ETFDH: variants seen among roughly 807,000 people sequenced by gnomAD.
The protein encoded by ETFDH is electron transfer flavoprotein dehydrogenase, also known as electron transfer flavoprotein-ubiquinone oxidoreductase, mitochondrial.
Under a neutral mutation model 73.2 loss-of-function variants are expected in ETFDH, and 61 were observed. That is an observed-to-expected ratio of 0.83 (90% CI 0.68 to 1.03). The LOEUF is 1.03. ETFDH is among the 50% of genes least tolerant of loss of function. The pLI is 0.00. For synonymous variants in ETFDH, 243 were observed against 253.3 expected (o/e 0.96, Z 0.39); for missense variants, 685 against 745.0 (o/e 0.92, Z 0.94).
At chr4:158,684,389 CAAA>C (rs35572796) in intron 3 of ETFDH, among the ~76,000 whole-genome samples, 200 bp from the exon 4 acceptor site, 35 of 105,452 alleles carry the variant, frequency 3.3e-4, no homozygotes, top group Non-Finnish European at 3.6e-4. Context: ...GACACTGTCT[CAAA>C]AAAAAAAAAA....
At chr4:158,703,951 T>C (rs1358785170) in intron 10 of ETFDH, among the ~76,000 whole-genome samples, 2 of 152,018 alleles carry the variant, frequency 1.3e-5, no homozygotes, top group East Asian at 3.9e-4. Flanking sequence ...ACAAAAAAAT[T>C]AGCTGTGTGT....
intron 11 of ETFDH, 60 bp downstream of exon 11, chr4:158,706,431 A>T: frequency 1.5e-6 from 2 of 1,345,912 alleles, no homozygotes; most frequent in Admixed American, 1.7e-5. Context: ...GGGATCTGTT[A>T]ATTAGAGAAA....
chr4:158,706,172 C>T lies in ETFDH; in HGVS notation c.1286-17C>T, dbSNP rs1320371087. On this transcript the variant is annotated splice_polypyrimidine_tract_variant and intron_variant, in intron 10 of 12. Coordinates refer to ENST00000511912, the MANE Select transcript of ETFDH (RefSeq NM_004453.4). ...TTGGGCAGTTTCGCACTTAACATTT[C>T]ATGTTTTTAATAAAAGGACTCCATG... The T allele has an allele frequency of 2.5e-6, 4 of 1,574,200 alleles. No homozygotes were observed. The highest frequency in any genetic ancestry group is 3.5e-6 in the Non-Finnish European group (4 of 1,143,654).
At chr4:158,673,875 A>G (rs1260755619) in intron 1 of ETFDH, among the ~76,000 whole-genome samples, 1 of 152,200 alleles carries the variant, frequency 6.6e-6, no homozygotes, top group Non-Finnish European at 1.5e-5. Context: ...TGACTTTGAT[A>G]TGGTGATGCT....
At chr4:158,681,067 T>A (rs1477658330) in intron 2 of ETFDH, among the ~76,000 whole-genome samples, 1 of 152,218 alleles carries the variant, frequency 6.6e-6, no homozygotes, top group Non-Finnish European at 1.5e-5. Flanking sequence ...TTTAAAAAGT[T>A]AACTGTAAAA....
At chr4:158,680,424 AC>A (rs766553154) in intron 1 of ETFDH, 42 bp from the exon 2 acceptor site, 2 of 1,503,276 alleles carry the variant, frequency 1.3e-6, no homozygotes, top group Non-Finnish European at 9.3e-7. Flanking sequence ...ACTGAGGAAA[AC>A]TAATTTTAAG....
At chr4:158,679,086 A>G (rs751022540) in intron 1 of ETFDH, among the ~76,000 whole-genome samples, 4 of 151,952 alleles carry the variant, frequency 2.6e-5, no homozygotes, top group Non-Finnish European at 5.9e-5. Context: ...ATGAGTAACC[A>G]TTTCTTCTCC....
intron 6 of ETFDH, among the ~76,000 whole-genome samples, chr4:158,692,399 CAAAAAAAAA>C (rs35615738): frequency 5.5e-5 from 5 of 91,422 alleles, no homozygotes; most frequent in East Asian, 3.4e-4. Flanking sequence ...GACACCGTCT[CAAAAAAAAA>C]AAAAAAAAAA....
At chr4:158,679,110 G>T (rs1193198044) in intron 1 of ETFDH, among the ~76,000 whole-genome samples, 1 of 151,892 alleles carries the variant, frequency 6.6e-6, no homozygotes, top group Non-Finnish European at 1.5e-5. Context: ...ATTTGAAATG[G>T]TATCTTTATT....
intron 9 of ETFDH, among the ~76,000 whole-genome samples, chr4:158,701,481 T>C (rs894685179): frequency 1.3e-5 from 2 of 152,190 alleles, no homozygotes; most frequent in African/African-American, 2.4e-5. Context: ...TCCCCACATA[T>C]ACTGTGAAAG....
rs561780433 is a variant in ETFDH at position 158,673,155 on chromosome 4, T to C, written c.34+665T>C. On this transcript the variant is annotated intron_variant, in intron 1 of 12. Coordinates refer to ENST00000511912, the MANE Select transcript of ETFDH (RefSeq NM_004453.4). ...CCCATCTCTACTAAAAATACAAAAA[T>C]TAGCTGGGCGTTGTGGCCCACTCCT... is the stretch of plus-strand genomic sequence containing the variant. Among the ~76,000 whole-genome samples, 620 of 152,154 alleles carry C rather than the reference T, an allele frequency of 4.1e-3. 9 individuals carry two copies. The highest frequency in any genetic ancestry group is 7.7e-3 in the Non-Finnish European group (525 of 67,996).
intron 6 of ETFDH, 62 bp downstream of exon 6, chr4:158,690,487 G>A (rs1162074003): frequency 2.0e-5 from 20 of 991,154 alleles, no homozygotes; most frequent in Non-Finnish European, 3.1e-5. Context: ...AACTGTGTGG[G>A]CATCAAAGTG....
intron 1 of ETFDH, among the ~76,000 whole-genome samples, chr4:158,677,421 T>A (rs1463768392): frequency 6.6e-6 from 1 of 152,222 alleles, no homozygotes; most frequent in Admixed American, 6.5e-5. Context: ...GGGCAACATG[T>A]GGCCCATAGG....
chr4:158,702,889 C>G (rs1358269614), intron 9 of ETFDH, among the ~76,000 whole-genome samples: 1 of 152,064 alleles, frequency 6.6e-6, no homozygotes, highest in Non-Finnish European at 1.5e-5. Flanking sequence ...TTTTAAGGAA[C>G]CTCTATACTG....
intron 1 of ETFDH, among the ~76,000 whole-genome samples, chr4:158,678,899 A>G (rs1580393063): frequency 6.6e-6 from 1 of 152,106 alleles, no homozygotes; most frequent in East Asian, 1.9e-4. Flanking sequence ...GGCCTCATGC[A>G]GTCCTCCCGC....
In ETFDH at chr4:158,685,234, G is replaced by C. The variant is rs758655999; in HGVS notation, c.606+15G>C. ...CAGCTGCTGAGGTTTGTATAGTTTT[G>C]TTTTGTTTTAATATTTATAGGAACT... On this transcript the variant is annotated intron_variant, in intron 5 of 12. Coordinates refer to ENST00000511912, the MANE Select transcript of ETFDH (RefSeq NM_004453.4). The C allele has an allele frequency of 7.1e-7, 1 of 1,411,952 alleles. No individual in the cohort carries two copies. Among genetic ancestry groups the C allele is most frequent in the Admixed American group, 1.7e-5 (1 of 59,736 alleles). 87.5% of individuals were successfully genotyped at this position (1,411,952 alleles called of 1,614,324 possible). A position where few individuals can be genotyped will look rare whatever the true frequency, so the allele number is the denominator to read the frequency against.
chr4:158,706,473 A>G, intron 11 of ETFDH, 102 bp downstream of exon 11: 1 of 1,167,088 alleles, frequency 8.6e-7, no homozygotes, highest in South Asian at 1.3e-5. Flanking sequence ...ACTTGGAGAA[A>G]TTATAAATTT....
chr4:158,705,926 C>T (rs1580422165), intron 10 of ETFDH, among the ~76,000 whole-genome samples: 1 of 152,232 alleles, frequency 6.6e-6, no homozygotes, highest in East Asian at 1.9e-4. Flanking sequence ...ACCAAAAACA[C>T]AAAAGTTAGT....
At chr4:158,707,467 C>T (rs1252879230) in intron 12 of ETFDH, among the ~76,000 whole-genome samples, 1 of 152,146 alleles carries the variant, frequency 6.6e-6, no homozygotes, top group Non-Finnish European at 1.5e-5. Context: ...CTCCTCTTAC[C>T]CCCAGTCACC....
Sources: gnomAD v4.1 joint callset for allele counts (sites outside exome capture counted in the v4.1 genomes callset) on GRCh38, gnomAD v4.1.1 for gene constraint, MANE v1.5 for transcripts, NCBI Gene and HGNC (gene_info 2026-07-23, HGNC 2026-07-21) for gene names.